Variants in GLB1 observed in about 807,000 individuals in gnomAD.
GLB1 encodes the protein galactosidase beta 1.
Under a neutral mutation model 74.0 loss-of-function variants are expected in GLB1, and 56 were observed. The observed-to-expected ratio is 0.76, with a 90% CI of 0.61 to 0.94. The LOEUF is 0.94. Ranked by LOEUF, GLB1 falls within the 40% of genes least tolerant of loss-of-function variation. The probability of loss-of-function intolerance (pLI) is 0.00; values close to 1 mark genes in which losing one functional copy is unlikely to be tolerated. For missense variants in GLB1, 787 were observed against 845.5 expected, an observed-to-expected ratio of 0.93 and a Z score of 0.86; for synonymous variants, 323 against 323.6, an observed-to-expected ratio of 1.00 and a Z score of 0.02.
intron 15 of GLB1, among the ~76,000 whole-genome samples, 177 bp downstream of exon 15, chr3:33,013,879 G>A (rs750651278): frequency 1.3e-5 from 2 of 152,138 alleles, no homozygotes; most frequent in African/African-American, 2.4e-5. Context: ...CAGCACCTCC[G>A]AGCTGGCCAC....
At chr3:33,061,854 C>T (rs912261402) in intron 5 of GLB1, 10 of 152,174 alleles carry the variant, frequency 6.6e-5, no homozygotes, top group African/African-American at 2.4e-4. Context: ...TCATAGGTGG[C>T]ACTGGCTCAG....
chr3:33,095,702 TTC>T, intron 1 of GLB1, among the ~76,000 whole-genome samples: 1 of 152,250 alleles, frequency 6.6e-6, no homozygotes, highest in East Asian at 1.9e-4. Context: ...TCATAAATCC[TTC>T]TCTCTCTCCC....
At chr3:32,977,438 C>G in the GLB1 span, among the ~76,000 whole-genome samples, 1 of 152,060 alleles carries the variant, frequency 6.6e-6, no homozygotes, top group Non-Finnish European at 1.5e-5. Context: ...AAACTCCTGA[C>G]CTCAAGTGAT....
chr3:33,048,771 C>T lies in GLB1; in HGVS notation c.956-2539G>A, dbSNP rs575684076. On this transcript the variant is annotated intron_variant, in intron 9 of 15. Transcript: ENST00000307363. ...CCAGGGTGCAAAGGGTGATCCAAAG[C>T]GCAGTGACTCTGGCTCACCACCACC... is the stretch of plus-strand genomic sequence containing the variant. Among the ~76,000 whole-genome samples, 191 of 152,262 alleles carry T rather than the reference C, an allele frequency of 1.3e-3. 1 individual carries two copies. Among genetic ancestry groups the T allele is most frequent in the African/African-American group, 4.1e-3 (172 of 41,548 alleles).
At chr3:33,043,016 A>G (rs1199371163) in intron 10 of GLB1, among the ~76,000 whole-genome samples, 1 of 152,238 alleles carries the variant, frequency 6.6e-6, no homozygotes, top group African/African-American at 2.4e-5. Flanking sequence ...TTATTTTTTA[A>G]GGAGAGAACT....
chr3:33,081,617 A>C (rs1387954369), intron 1 of GLB1, among the ~76,000 whole-genome samples: 6 of 152,212 alleles, frequency 3.9e-5, no homozygotes, highest in Admixed American at 3.9e-4. Flanking sequence ...CAGTGGGGCC[A>C]TCCTCTGCAG....
chr3:33,006,540 A>G (rs1696799295), intron 15 of GLB1, among the ~76,000 whole-genome samples: 1 of 152,060 alleles, frequency 6.6e-6, no homozygotes, highest in East Asian at 1.9e-4. Flanking sequence ...CTGGAGAAGA[A>G]CGCTTCCTAT....
At chr3:33,084,947 C>A (rs1471572144) in intron 1 of GLB1, among the ~76,000 whole-genome samples, 2 of 152,080 alleles carry the variant, frequency 1.3e-5, no homozygotes, top group Non-Finnish European at 2.9e-5. Flanking sequence ...AAGTAAGTAA[C>A]TACATTAGGT....
chr3:33,008,996 G>T (rs1366457068), intron 15 of GLB1, among the ~76,000 whole-genome samples: 1 of 152,076 alleles, frequency 6.6e-6, no homozygotes, highest in African/African-American at 2.4e-5. Context: ...GTGCATGCCT[G>T]TAATCCCAGC....
At chr3:32,993,155 A>G (rs1007389358), downstream of GLB1, among the ~76,000 whole-genome samples, 1 of 152,264 alleles carries the variant, frequency 6.6e-6, no homozygotes, top group Non-Finnish European at 1.5e-5. Context: ...GTCATTTGAC[A>G]GAAGACATAT....
chr3:33,065,706 G>C (rs1029793934), intron 4 of GLB1, 149 bp from the exon 5 acceptor site: 4 of 890,974 alleles, frequency 4.5e-6, no homozygotes, highest in African/African-American at 1.7e-5. Context: ...GGTGGCTCAC[G>C]CCTGTAATCC....
the GLB1 span, among the ~76,000 whole-genome samples, chr3:32,973,486 T>A: frequency 2.0e-5 from 3 of 152,044 alleles, no homozygotes; most frequent in African/African-American, 7.2e-5. Context: ...GGTGCATGCT[T>A]GCATGCTACC....
At chr3:32,973,923 A>G in the GLB1 span, among the ~76,000 whole-genome samples, 1 of 152,200 alleles carries the variant, frequency 6.6e-6, no homozygotes, top group African/African-American at 2.4e-5. Context: ...AGCAAGCAGC[A>G]GCTGCCAGGA....
chr3:33,078,850 T>A (rs889834618), intron 1 of GLB1, among the ~76,000 whole-genome samples: 3 of 152,176 alleles, frequency 2.0e-5, no homozygotes, highest in Non-Finnish European at 4.4e-5. Context: ...TATAATTTTT[T>A]AAGATTTTTT....
chr3:33,001,254 A>C (rs964066512), intron 15 of GLB1, among the ~76,000 whole-genome samples: 35 of 147,132 alleles, frequency 2.4e-4, no homozygotes, highest in African/African-American at 7.5e-4. Context: ...ATCTTGCTAC[A>C]TTGCCAAGGT....
intron 5 of GLB1, among the ~76,000 whole-genome samples, chr3:33,061,400 AAAACAAACAAAC>A (rs545287219): frequency 2.6e-5 from 4 of 152,056 alleles, no homozygotes; most frequent in African/African-American, 9.7e-5. Context: ...GGTGACAGAG[AAAACAAACAAAC>A]AAACAAACAA....
intron 1 of GLB1, 54 bp from the exon 2 acceptor site, chr3:33,072,767 GCCGATCCT>G: frequency 1.2e-6 from 2 of 1,611,020 alleles, no homozygotes; most frequent in Non-Finnish European, 1.7e-6. Context: ...CATTTCAGAA[GCCGATCCT>G]TTGAGAGTAG....
chr3:33,022,514 A>C (rs1697533295), intron 11 of GLB1, among the ~76,000 whole-genome samples: 2 of 142,430 alleles, frequency 1.4e-5, no homozygotes, highest in South Asian at 4.7e-4. Context: ...ATTTGTAGTT[A>C]GATTTGGCTC....
the GLB1 span, among the ~76,000 whole-genome samples, chr3:32,990,330 T>A: frequency 1.3e-5 from 2 of 152,222 alleles, no homozygotes; most frequent in Non-Finnish European, 2.9e-5. Flanking sequence ...GGATTCAGCA[T>A]GCTCACAGCA....
Sources: allele counts gnomAD v4.1 joint callset (sites outside exome capture counted in the v4.1 genomes callset), GRCh38; gene constraint gnomAD v4.1.1; transcripts MANE v1.5; gene names NCBI Gene and HGNC (gene_info 2026-07-23, HGNC 2026-07-21).